CTNND2: variants seen among roughly 807,000 people sequenced by gnomAD.
CTNND2 encodes catenin delta-2.
A neutral mutation model predicts 144.4 loss-of-function variants in CTNND2; 22 were observed. That is an observed-to-expected ratio of 0.15 (90% CI 0.11 to 0.22). The LOEUF (loss-of-function observed/expected upper bound fraction) is 0.22, where lower values mean the gene tolerates loss of function less well. CTNND2 is among the 10% of genes least tolerant of loss of function. The pLI is 1.00. For missense variants in CTNND2, 1,353 were observed against 1,618.8 expected, an observed-to-expected ratio of 0.84 and a Z score of 2.82; for synonymous variants, 751 against 695.6, an observed-to-expected ratio of 1.08 and a Z score of -1.25.
intron 1 of CTNND2, among the ~76,000 whole-genome samples, chr5:11,879,524 A>T (rs1735874771): frequency 6.6e-6 from 1 of 151,796 alleles, no homozygotes; most frequent in South Asian, 2.1e-4. Context: ...ATGGCTCTGG[A>T]GCATGCTACC....
intron 16 of CTNND2, among the ~76,000 whole-genome samples, chr5:11,064,786 T>A (rs1441803851): frequency 1.3e-5 from 2 of 152,240 alleles, no homozygotes; most frequent in Admixed American, 1.3e-4. Context: ...AGGAAAGTTA[T>A]AAAGTAAACA....
chr5:11,890,780 A>C (rs2127096480), intron 1 of CTNND2, among the ~76,000 whole-genome samples: 1 of 152,384 alleles, frequency 6.6e-6, no homozygotes, highest in South Asian at 2.1e-4. Context: ...AAAACAGGGT[A>C]ACTGTTAGGA....
chr5:11,502,737 C>T (rs932752225), intron 3 of CTNND2, among the ~76,000 whole-genome samples: 1 of 152,122 alleles, frequency 6.6e-6, no homozygotes, highest in Non-Finnish European at 1.5e-5. Context: ...AGATTTTCCA[C>T]CCTCACCAAC....
chr5:11,472,267 A>G (rs2149957380), intron 3 of CTNND2, among the ~76,000 whole-genome samples: 1 of 152,350 alleles, frequency 6.6e-6, no homozygotes, highest in Non-Finnish European at 1.5e-5. Context: ...AATATCTTTC[A>G]ATAAAATTAT....
At chr5:11,157,098 A>T (rs1394121701) in intron 12 of CTNND2, among the ~76,000 whole-genome samples, 1 of 152,230 alleles carries the variant, frequency 6.6e-6, no homozygotes, top group East Asian at 1.9e-4. Flanking sequence ...ACTTAACTAC[A>T]CATGAGCTCA....
intron 16 of CTNND2, among the ~76,000 whole-genome samples, chr5:11,028,499 T>C (rs988155308): frequency 6.6e-5 from 10 of 152,198 alleles, no homozygotes; most frequent in African/African-American, 1.9e-4. Context: ...TCTTGCAAAA[T>C]TGAAACTTTA....
rs1447496199 is a variant in CTNND2, at chr5:11,491,026, G to T, written c.287+73918C>A. 8.5e-5 allele frequency among the ~76,000 whole-genome samples: 13 copies of T among 152,056 alleles called. 1 individual carries two copies. The highest frequency in any genetic ancestry group is 8.5e-4 in the Admixed American group (13 of 15,260). ...AAAAATAAGAAACAAATAAAATCAC[G>T]AGACTGTTTAGGAGGGGAACTGTAA... On this transcript the variant is annotated intron_variant, in intron 3 of 21. Transcript: ENST00000304623.
chr5:11,802,080 C>T (rs764231470), intron 1 of CTNND2, among the ~76,000 whole-genome samples: 32 of 151,966 alleles, frequency 2.1e-4, no homozygotes, highest in Non-Finnish European at 4.3e-4. Context: ...TGAGACTAGC[C>T]TGGCCAAAAT....
chr5:11,225,027 T>C (rs540781455), intron 10 of CTNND2, among the ~76,000 whole-genome samples: 4 of 152,180 alleles, frequency 2.6e-5, no homozygotes, highest in Non-Finnish European at 5.9e-5. Context: ...TTCAGAGCTC[T>C]AAATTGGAGT....
chr5:11,753,817 G>A (rs758086654), intron 1 of CTNND2, among the ~76,000 whole-genome samples: 9 of 151,584 alleles, frequency 5.9e-5, no homozygotes, highest in Admixed American at 2.0e-4. Context: ...TTTCTGGTTC[G>A]CAGTGTTTTT....
Position 11,076,042 on chromosome 5 carries a change from A to G in CTNND2, c.2788+6654T>C, listed in dbSNP as rs6881278. Reference sequence around the variant, plus strand: ...TTATGAGCATAGCAAAGTGCTAGACACTGTCAGACATAAAAGTAAATACAT... The same window carrying G: ...TTATGAGCATAGCAAAGTGCTAGACGCTGTCAGACATAAAAGTAAATACAT... On this transcript the variant is annotated intron_variant, in intron 16 of 21. Coordinates refer to ENST00000304623, the MANE Select transcript of CTNND2 (RefSeq NM_001332.4). Among the ~76,000 whole-genome samples, 1,031 of 152,378 alleles carry G rather than the reference A, an allele frequency of 6.8e-3. 12 individuals carry two copies. The highest frequency in any genetic ancestry group is 0.022 in the African/African-American group (911 of 41,582).
intron 2 of CTNND2, chr5:11,588,860 G>C (rs977700637): frequency 1.0e-6 from 1 of 985,172 alleles, no homozygotes; most frequent in Non-Finnish European, 1.2e-6. Flanking sequence ...TGGAGCAGGC[G>C]GTTCCTGGCA....
At chr5:11,227,570 T>G (rs1197070882) in intron 10 of CTNND2, among the ~76,000 whole-genome samples, 1 of 152,162 alleles carries the variant, frequency 6.6e-6, no homozygotes, top group African/African-American at 2.4e-5. Flanking sequence ...CCTCGAACTA[T>G]ATGAGGTAGA....
intron 9 of CTNND2, among the ~76,000 whole-genome samples, chr5:11,253,701 T>C (rs1379265471): frequency 6.6e-6 from 1 of 152,208 alleles, no homozygotes; most frequent in Non-Finnish European, 1.5e-5. Context: ...ATAGACCATC[T>C]AGATATCTAT....
chr5:11,216,829 C>T (rs1222435281), intron 10 of CTNND2, among the ~76,000 whole-genome samples: 4 of 152,226 alleles, frequency 2.6e-5, no homozygotes. Flanking sequence ...CAGAGGGTTG[C>T]TGTGCCCACT....
chr5:11,166,249 CT>C lies in CTNND2; in HGVS notation c.1976-6491del, dbSNP rs11400471. 3.2e-3 allele frequency among the ~76,000 whole-genome samples: 405 copies of C among 125,824 alleles called. 1 individual carries two copies. Among genetic ancestry groups the C allele is most frequent in the African/African-American group, 6.0e-3 (197 of 32,958 alleles). 82.5% of individuals were successfully genotyped at this position (125,824 alleles called of 152,430 possible). On this transcript the variant is annotated intron_variant, in intron 11 of 21. Transcript: ENST00000304623. ...GGAGAAGAATGGGGACAAAAAAGTT[CT>C]TTTTTTTTTTTTTTTTGAGATGGAG...
At chr5:11,222,780 T>C (rs1216051480) in intron 10 of CTNND2, among the ~76,000 whole-genome samples, 4 of 152,140 alleles carry the variant, frequency 2.6e-5, no homozygotes, top group African/African-American at 9.7e-5. Flanking sequence ...CACTCCAGCC[T>C]GGGAGATAGT....
intron 16 of CTNND2, among the ~76,000 whole-genome samples, chr5:11,080,292 A>T (rs537342575): frequency 1.3e-5 from 2 of 152,358 alleles, no homozygotes; most frequent in South Asian, 4.1e-4. Flanking sequence ...TCAGAACAGT[A>T]ATTATCAAAA....
chr5:11,223,245 C>A (rs1739979067), intron 10 of CTNND2, among the ~76,000 whole-genome samples: 1 of 152,172 alleles, frequency 6.6e-6, no homozygotes, highest in African/African-American at 2.4e-5. Context: ...TGTGACCCTG[C>A]CCTTGTCCAT....
Sources: allele counts gnomAD v4.1 joint callset (sites outside exome capture counted in the v4.1 genomes callset), GRCh38; gene constraint gnomAD v4.1.1; transcripts MANE v1.5; gene names NCBI Gene and HGNC (gene_info 2026-07-23, HGNC 2026-07-21).